The following SEMA5A variants were observed in gnomAD, a reference collection of about 807,000 sequenced individuals.
The protein encoded by SEMA5A is semaphorin 5A.
In SEMA5A, 55 loss-of-function variants were observed where a neutral mutation model predicts 135.5. That is an observed-to-expected ratio of 0.41 (90% CI 0.33 to 0.51). SEMA5A has a LOEUF of 0.51. Ranked by LOEUF, SEMA5A falls within the 20% of genes least tolerant of loss-of-function variation. The pLI is 0.37. For synonymous variants in SEMA5A, 580 were observed against 546.5 expected, an observed-to-expected ratio of 1.06 and a Z score of -0.85; for missense variants, 1,290 against 1,419.9, an observed-to-expected ratio of 0.91 and a Z score of 1.47.
intron 16 of SEMA5A, among the ~76,000 whole-genome samples, chr5:9,081,209 G>A (rs1738364829): frequency 1.3e-5 from 2 of 152,146 alleles, no homozygotes; most frequent in Admixed American, 1.3e-4. Flanking sequence ...GAAACACTCA[G>A]TGAGAACCCT....
At chr5:9,485,804 C>G (rs987644119) in intron 1 of SEMA5A, among the ~76,000 whole-genome samples, 1 of 151,988 alleles carries the variant, frequency 6.6e-6, no homozygotes, top group African/African-American at 2.4e-5. Flanking sequence ...AAACCAACAT[C>G]AAAATAAAGA....
At chr5:9,509,983 C>T (rs973169296) in intron 1 of SEMA5A, among the ~76,000 whole-genome samples, 1 of 152,038 alleles carries the variant, frequency 6.6e-6, no homozygotes, top group African/African-American at 2.4e-5. Flanking sequence ...GAACTAAACG[C>T]AGAGGAAAAA....
At position 9,066,600 on chromosome 5, in the gene SEMA5A, G is replaced by A. The variant is rs773105191; in HGVS notation, c.2120C>T (p.Thr707Ile). 2.4e-5 allele frequency: 39 copies of A among 1,614,046 alleles called. No homozygotes were observed. Among genetic ancestry groups the A allele is most frequent in the Middle Eastern group, 1.6e-4 (1 of 6,084 alleles). ...NTNPCPELKK[T>I]TPWTPWTPVN... ...AGGTGTCCAGGGTGTCCAGGGCGTG[G>A]TCTTCTTCAGCTCAGGACACGGGTT... Residue 707 changes from threonine (T) to isoleucine (I), a missense_variant, in exon 17 of 23, where the codon ACC becomes ATC. This residue lies in a region of SEMA5A where 1,029 missense variants were observed against 1,086.6 expected (regional missense o/e 0.95). Coordinates refer to ENST00000382496, the MANE Select transcript of SEMA5A (RefSeq NM_003966.3).
chr5:9,040,651 T>C lies in SEMA5A; in HGVS notation c.*2246A>G, dbSNP rs1735909457. 1 of 152,194 alleles carries C rather than the reference T, an allele frequency of 6.6e-6. No homozygotes were observed. Among genetic ancestry groups the C allele is most frequent in the African/African-American group, 2.4e-5 (1 of 41,430 alleles). 9.4% of individuals were successfully genotyped at this position (152,194 alleles called of 1,614,324 possible). On this transcript the variant is annotated 3_prime_UTR_variant, in exon 23 of 23. Coordinates refer to ENST00000382496, the MANE Select transcript of SEMA5A (RefSeq NM_003966.3). The stretch of plus-strand genomic sequence containing the variant: ...AATGCTAATTTCAAAGGTTTGTTTA[T>C]ATTATTAACAACATGAAGATCCTGT...
chr5:9,112,574 A>G (rs1299060462), intron 15 of SEMA5A, among the ~76,000 whole-genome samples: 1 of 152,202 alleles, frequency 6.6e-6, no homozygotes, highest in Non-Finnish European at 1.5e-5. Flanking sequence ...TAGGAAGAAA[A>G]ATAACTTGTG....
At chr5:9,316,085 A>T (rs891730318) in intron 5 of SEMA5A, among the ~76,000 whole-genome samples, 4 of 152,136 alleles carry the variant, frequency 2.6e-5, no homozygotes, top group Non-Finnish European at 4.4e-5. Flanking sequence ...TTATGTTAGC[A>T]TCTACTCATG....
chr5:9,038,129 T>C lies in SEMA5A; in HGVS notation c.*4768A>G, dbSNP rs1256814160. 6.6e-6 allele frequency: 1 copy of C among 152,248 alleles called. No individual in the cohort carries two copies. The highest frequency in any genetic ancestry group is 1.5e-5 in the Non-Finnish European group (1 of 68,054). The allele number at this position is 152,248 out of a possible 1,614,324, so 9.4% of individuals were successfully genotyped here. A position where few individuals can be genotyped will look rare whatever the true frequency, so the allele number is the denominator to read the frequency against. ...TCAGGAAGTGATGAAGAAGTTAGGA[T>C]GAACAAATGGGCTAGGCAAGGCCAA... On this transcript the variant is annotated 3_prime_UTR_variant, in exon 23 of 23. Coordinates refer to ENST00000382496, the MANE Select transcript of SEMA5A (RefSeq NM_003966.3).
At chr5:9,402,888 C>G (rs147890258) in intron 2 of SEMA5A, among the ~76,000 whole-genome samples, 1,834 of 152,284 alleles carry the variant, frequency 0.012, 13 homozygotes, top group Admixed American at 0.018. Context: ...ACCCATCTAT[C>G]AGGAACTTCT....
intron 5 of SEMA5A, among the ~76,000 whole-genome samples, chr5:9,241,874 A>G (rs1020686734): frequency 6.6e-6 from 1 of 152,248 alleles, no homozygotes; most frequent in Non-Finnish European, 1.5e-5. Flanking sequence ...GATAGGGACC[A>G]GCAAAGGCAG....
In SEMA5A at chr5:9,154,690, CG is replaced by C; in HGVS notation, c.1278del (p.Tyr426Ter). The C allele has an allele frequency of 6.2e-7, 1 of 1,613,740 alleles. No individual in the cohort carries two copies. The highest frequency in any genetic ancestry group is 1.3e-5 in the African/African-American group (1 of 75,016). ...GGTACCCGCACTTTCTTAATGGTTCCGTAATCTATGAAGGTCACAGGATGAA... is the reference window on the plus strand; with the variant it reads ...GGTACCCGCACTTTCTTAATGGTTCCTAATCTATGAAGGTCACAGGATGAA... ...LVHIIYLATD[Y>X]GTIKKVRVPL... is the part of the protein sequence containing the mutation. On this transcript the variant is annotated frameshift_variant, in exon 12 of 23. Coordinates refer to ENST00000382496, the MANE Select transcript of SEMA5A (RefSeq NM_003966.3). LOFTEE classifies it high-confidence loss of function.
chr5:9,413,689 C>T (rs1757183417), intron 2 of SEMA5A, among the ~76,000 whole-genome samples: 1 of 152,160 alleles, frequency 6.6e-6, no homozygotes, highest in African/African-American at 2.4e-5. Context: ...TATGTTTACC[C>T]TGTTGAGTAT....
intron 15 of SEMA5A, among the ~76,000 whole-genome samples, chr5:9,110,258 A>G (rs2150159472): frequency 6.6e-6 from 1 of 152,330 alleles, no homozygotes; most frequent in East Asian, 1.9e-4. Context: ...TAACTCCATG[A>G]GAGTTAGATG....
At chr5:9,144,705 T>A (rs188358802) in intron 12 of SEMA5A, among the ~76,000 whole-genome samples, 2 of 152,328 alleles carry the variant, frequency 1.3e-5, no homozygotes, top group East Asian at 3.9e-4. Flanking sequence ...GATAGAGACA[T>A]GTTCACTTGA....
intron 10 of SEMA5A, among the ~76,000 whole-genome samples, chr5:9,194,745 C>A (rs763609138): frequency 1.5e-4 from 23 of 152,208 alleles, no homozygotes; most frequent in Non-Finnish European, 2.9e-4. Flanking sequence ...AAGCTTCCTG[C>A]CTGAAACGCA....
chr5:9,310,010 TAAAC>T (rs1752052452), intron 5 of SEMA5A, among the ~76,000 whole-genome samples: 1 of 116,356 alleles, frequency 8.6e-6, no homozygotes, highest in Admixed American at 8.8e-5. Flanking sequence ...CGAGTCCAAA[TAAAC>T]ACAGCAATCA....
intron 3 of SEMA5A, among the ~76,000 whole-genome samples, chr5:9,371,887 GT>G (rs541866972): frequency 1.7e-3 from 262 of 152,294 alleles, no homozygotes; most frequent in Non-Finnish European, 3.0e-3. Context: ...GTTCAAGACA[GT>G]TTTCAACAGT....
chr5:9,184,721 C>G (rs1744714488), intron 11 of SEMA5A, among the ~76,000 whole-genome samples: 1 of 151,956 alleles, frequency 6.6e-6, no homozygotes, highest in South Asian at 2.1e-4. Flanking sequence ...CATTTTGTTT[C>G]TTTCATCATT....
chr5:9,300,492 G>C (rs544713175), intron 5 of SEMA5A, among the ~76,000 whole-genome samples: 1 of 152,164 alleles, frequency 6.6e-6, no homozygotes, highest in African/African-American at 2.4e-5. Context: ...TAATACAGGA[G>C]TAGCCTTATG....
intron 6 of SEMA5A, among the ~76,000 whole-genome samples, chr5:9,233,184 C>T (rs548796065): frequency 2.0e-5 from 3 of 152,318 alleles, no homozygotes; most frequent in Non-Finnish European, 2.9e-5. Flanking sequence ...TAGAAGCATA[C>T]AGCAGCTCTT....
Sources: allele counts gnomAD v4.1 joint callset (sites outside exome capture counted in the v4.1 genomes callset), GRCh38; gene constraint gnomAD v4.1.1; regional missense constraint gnomAD v4.1.1; transcripts MANE v1.5; gene names NCBI Gene and HGNC (gene_info 2026-07-23, HGNC 2026-07-21).